TMEM117: variants seen among roughly 807,000 people sequenced by gnomAD.
TMEM117 encodes the protein transmembrane protein 117.
In TMEM117, 27 loss-of-function variants were observed where a neutral mutation model predicts 52.4. The ratio of observed to expected loss-of-function variants is 0.51; its 90% confidence interval spans 0.38 to 0.71. TMEM117 has a LOEUF of 0.71. TMEM117 is among the 30% of genes least tolerant of loss of function. The pLI is 0.00. For missense variants in TMEM117, 556 were observed against 630.5 expected (o/e 0.88, Z 1.26); for synonymous variants, 215 against 206.3 (o/e 1.04, Z -0.36).
rs1943022283 is a variant in TMEM117 at position 43,836,104 on chromosome 12, CCGCGCTTCCCAGCGAGGCCGCCGG to C, written c.-115_-92del. 3 of 151,926 alleles carry C rather than the reference CCGCGCTTCCCAGCGAGGCCGCCGG, an allele frequency of 2.0e-5. No homozygotes were observed. The highest frequency in any genetic ancestry group is 2.0e-4 in the Admixed American group (3 of 15,252). 9.4% of individuals were successfully genotyped at this position (151,926 alleles called of 1,614,324 possible). A position where few individuals can be genotyped will look rare whatever the true frequency, so the allele number is the denominator to read the frequency against. The stretch of plus-strand genomic sequence containing the variant: ...GCAGCGACGCCGCCGGCCCGTCTCG[CCGCGCTTCCCAGCGAGGCCGCCGG>C]CGCGCCGAGGGCTGTGCTCGACCGC... On this transcript the variant is annotated 5_prime_UTR_variant, in exon 1 of 8. Coordinates refer to ENST00000266534, the MANE Select transcript of TMEM117 (RefSeq NM_032256.3).
intron 6 of TMEM117, among the ~76,000 whole-genome samples, chr12:44,311,610 C>T (rs1950976242): frequency 6.6e-6 from 1 of 151,512 alleles, no homozygotes; most frequent in African/African-American, 2.4e-5. Flanking sequence ...CCACAGCCAA[C>T]AGAAATTGTA....
intron 5 of TMEM117, among the ~76,000 whole-genome samples, chr12:44,223,118 G>A (rs1949812022): frequency 6.6e-6 from 1 of 151,182 alleles, no homozygotes; most frequent in African/African-American, 2.4e-5. Context: ...TGTGTCATGG[G>A]GTTTGTTGTA....
At chr12:44,391,509 A>C (rs949271340), downstream of TMEM117, among the ~76,000 whole-genome samples, 2 of 152,084 alleles carry the variant, frequency 1.3e-5, no homozygotes, top group African/African-American at 4.8e-5. Context: ...ATGTCCAAAA[A>C]CACTGCACCA....
intron 5 of TMEM117, among the ~76,000 whole-genome samples, chr12:44,246,456 C>T (rs1030008929): frequency 1.3e-5 from 2 of 152,074 alleles, no homozygotes; most frequent in Admixed American, 6.6e-5. Context: ...TTTTTCGCTG[C>T]TTTTTTCCAG....
rs74316060 is a variant in TMEM117 at position 44,186,291 on chromosome 12, T to C, written c.511-24999T>C. 3.5e-4 allele frequency among the ~76,000 whole-genome samples: 53 copies of C among 152,326 alleles called. No individual in the cohort carries two copies. The East Asian group carries it at 7.1e-3, about 21-fold the overall frequency. Reference sequence around the variant, plus strand: ...TGACTTGCCTTTCCAAGGAATCTTATGCCTCAAAGAAAGTAATCAGAAGAT... The same window carrying C: ...TGACTTGCCTTTCCAAGGAATCTTACGCCTCAAAGAAAGTAATCAGAAGAT... On this transcript the variant is annotated intron_variant, in intron 4 of 7. Transcript: ENST00000266534.
chr12:44,080,131 A>C (rs1947457757), intron 3 of TMEM117, among the ~76,000 whole-genome samples: 1 of 152,280 alleles, frequency 6.6e-6, no homozygotes, highest in South Asian at 2.1e-4. Context: ...GAGAAACACA[A>C]AATTCTTTTC....
chr12:43,944,285 T>A lies in TMEM117; in HGVS notation c.353T>A (p.Phe118Tyr). 6.2e-7 allele frequency: 1 copy of A among 1,613,360 alleles called. No individual in the cohort carries two copies. Among genetic ancestry groups the A allele is most frequent in the Non-Finnish European group, 8.5e-7 (1 of 1,179,398 alleles). ...WMTMFFSTIL[F>Y]LFIFSHIYNT... ...ACAATGTTCTTCAGCACAATTCTCT[T>A]TCTCTTCATATTTTCTCACATATAC... Residue 118 changes from phenylalanine to tyrosine, a missense_variant, in exon 3 of 8, where the codon TTT becomes TAT. This residue lies in a region of TMEM117 where 328 missense variants were observed against 371.4 expected (regional missense o/e 0.88). Transcript: ENST00000266534.
chr12:43,830,610 C>CAA, the TMEM117 span, among the ~76,000 whole-genome samples: 1 of 94,770 alleles, frequency 1.1e-5, no homozygotes, highest in Non-Finnish European at 2.4e-5. Flanking sequence ...ACACTTGTCT[C>CAA]AAAAAAAAAA....
chr12:43,898,218 T>G (rs1944243566), intron 2 of TMEM117, among the ~76,000 whole-genome samples: 1 of 152,122 alleles, frequency 6.6e-6, no homozygotes, highest in Non-Finnish European at 1.5e-5. Context: ...TTCTTCACTC[T>G]TAATCCTATG....
At chr12:44,098,611 C>CCCTAAGGGCTAAA (rs1428766128) in intron 3 of TMEM117, among the ~76,000 whole-genome samples, 1 of 151,992 alleles carries the variant, frequency 6.6e-6, no homozygotes, top group Non-Finnish European at 1.5e-5. Flanking sequence ...AAGGGTATAT[C>CCCTAAGGGCTAAA]CCTAAGGGCT....
At chr12:44,379,361 A>T (rs1951988616) in intron 7 of TMEM117, among the ~76,000 whole-genome samples, 2 of 152,174 alleles carry the variant, frequency 1.3e-5, no homozygotes, top group Admixed American at 6.5e-5. Flanking sequence ...GTCTCAAAAA[A>T]TAAGCTAAAA....
chr12:44,046,079 G>A (rs965146008), intron 3 of TMEM117, among the ~76,000 whole-genome samples: 11 of 152,100 alleles, frequency 7.2e-5, no homozygotes, highest in African/African-American at 1.7e-4. Context: ...ACTATTTCTC[G>A]CATATCCCTG....
At chr12:44,298,623 T>C (rs1950798447) in intron 5 of TMEM117, among the ~76,000 whole-genome samples, 1 of 150,526 alleles carries the variant, frequency 6.6e-6, no homozygotes, top group Admixed American at 6.6e-5. Flanking sequence ...CTAACCCTCA[T>C]TGAATTCCAT....
chr12:43,921,729 A>G (rs1322510025), intron 2 of TMEM117, among the ~76,000 whole-genome samples: 1 of 152,132 alleles, frequency 6.6e-6, no homozygotes, highest in Admixed American at 6.6e-5. Flanking sequence ...TTCTCAACTA[A>G]ATATCAAGTT....
chr12:44,368,709 T>C (rs1951823710), intron 6 of TMEM117, among the ~76,000 whole-genome samples: 1 of 152,162 alleles, frequency 6.6e-6, no homozygotes, highest in Non-Finnish European at 1.5e-5. Context: ...TGACATTTTG[T>C]ACCAAATATG....
At chr12:44,048,977 A>G (rs1464572771) in intron 3 of TMEM117, among the ~76,000 whole-genome samples, 1 of 152,208 alleles carries the variant, frequency 6.6e-6, no homozygotes, top group Non-Finnish European at 1.5e-5. Flanking sequence ...AGCAGGTATT[A>G]GGAAATATGT....
chr12:43,824,899 A>G, the TMEM117 span, among the ~76,000 whole-genome samples: 1 of 152,182 alleles, frequency 6.6e-6, no homozygotes. Flanking sequence ...ACACTCCAGC[A>G]CCCCAGCCTG....
intron 6 of TMEM117, among the ~76,000 whole-genome samples, chr12:44,333,131 C>G (rs1951294969): frequency 6.6e-6 from 1 of 151,938 alleles, no homozygotes; most frequent in South Asian, 2.1e-4. Context: ...TTATAGATCT[C>G]TCACCAATTT....
At chr12:44,044,654 G>A (rs1946852793) in intron 3 of TMEM117, among the ~76,000 whole-genome samples, 1 of 152,180 alleles carries the variant, frequency 6.6e-6, no homozygotes, top group African/African-American at 2.4e-5. Context: ...ATGATCAGTT[G>A]ACAGAGGAAG....
Sources: allele counts gnomAD v4.1 joint callset (sites outside exome capture counted in the v4.1 genomes callset), GRCh38; gene constraint gnomAD v4.1.1; regional missense constraint gnomAD v4.1.1; transcripts MANE v1.5; gene names NCBI Gene and HGNC (gene_info 2026-07-23, HGNC 2026-07-21).